The following NBAS variants were observed in gnomAD, a reference collection of about 807,000 sequenced individuals.
The protein encoded by NBAS is NAG/BC035112 fusion.
NBAS carries 219 observed loss-of-function variants against 302.5 expected under a neutral mutation model. The observed-to-expected ratio is 0.72, with a 90% confidence interval of 0.65 to 0.81. NBAS has a LOEUF of 0.81. Among genes scored for constraint, NBAS ranks in the 30% least tolerant of loss-of-function variants. NBAS has a pLI of 0.00. For synonymous variants in NBAS, 1,118 were observed against 1,021.6 expected, an observed-to-expected ratio of 1.09 and a Z score of -1.80; for missense variants, 2,932 against 2,841.6, an observed-to-expected ratio of 1.03 and a Z score of -0.72.
chr2:15,440,285 C>T lies in NBAS; in HGVS notation c.2340-12491G>A, dbSNP rs575358235. ...AGTAGGGGCAGACTGACACTTCACA[C>T]GGCCCGGTACTCCGCTGAGACAAAA... is the stretch of plus-strand genomic sequence containing the variant. On this transcript the variant is annotated intron_variant, in intron 21 of 51. Coordinates refer to ENST00000281513, the MANE Select transcript of NBAS (RefSeq NM_015909.4). Among the ~76,000 whole-genome samples, 75 of 152,280 alleles carry T rather than the reference C, an allele frequency of 4.9e-4. 2 individuals are homozygous for T. In the South Asian group the frequency reaches 0.014, roughly 29 times the overall value.
chr2:15,396,406 T>C lies in NBAS; in HGVS notation c.3134+7A>G. ...TGGAGAAAAAAAAAAACTGTCATTT[T>C]TCTCACCTGAGAATTTGTTCCAGTT... On this transcript the variant is annotated splice_region_variant and intron_variant, in intron 27 of 51. Transcript: ENST00000281513. 6.2e-7 allele frequency: 1 copy of C among 1,605,802 alleles called. No individual in the cohort carries two copies. Among genetic ancestry groups the C allele is most frequent in the Non-Finnish European group, 8.5e-7 (1 of 1,176,358 alleles).
intron 48 of NBAS, among the ~76,000 whole-genome samples, chr2:15,203,526 G>C (rs1665979856): frequency 6.6e-6 from 1 of 152,066 alleles, no homozygotes; most frequent in Non-Finnish European, 1.5e-5. Flanking sequence ...AGACTTTAGG[G>C]TAACAGAAGA....
At chr2:15,331,752 T>G (rs899145368) in intron 35 of NBAS, among the ~76,000 whole-genome samples, 1 of 152,192 alleles carries the variant, frequency 6.6e-6, no homozygotes, top group Non-Finnish European at 1.5e-5. Context: ...AGTTGCCATA[T>G]ATGGTAAGTA....
the NBAS span, chr2:14,886,513 T>C: frequency 6.6e-6 from 1 of 152,234 alleles, no homozygotes; most frequent in Non-Finnish European, 1.5e-5. Flanking sequence ...ATGCATTTCC[T>C]GAAGGCAGGG....
chr2:14,921,011 C>T, the NBAS span, among the ~76,000 whole-genome samples: 1 of 151,938 alleles, frequency 6.6e-6, no homozygotes, highest in African/African-American at 2.4e-5. Flanking sequence ...TGCAAGAGGC[C>T]TAGCTCAGCT....
intron 21 of NBAS, among the ~76,000 whole-genome samples, chr2:15,458,400 C>T (rs530970008): frequency 6.6e-6 from 1 of 152,268 alleles, no homozygotes; most frequent in South Asian, 2.1e-4. Context: ...TGGGTGGGGA[C>T]AACTGGATCA....
chr2:15,328,066 T>C, intron 37 of NBAS, 133 bp downstream of exon 37: 1 of 1,174,290 alleles, frequency 8.5e-7, no homozygotes, highest in Non-Finnish European at 1.2e-6. Flanking sequence ...ACCAAAAAAA[T>C]GTAAAAACCA....
intron 11 of NBAS, among the ~76,000 whole-genome samples, chr2:15,495,752 C>A: frequency 6.6e-6 from 1 of 152,106 alleles, no homozygotes; most frequent in East Asian, 1.9e-4. Flanking sequence ...AACCACTTCA[C>A]ACCTACTAGG....
rs144932080 is a variant in NBAS at position 15,473,673 on chromosome 2, G to A, written c.1600-326C>T. Among the ~76,000 whole-genome samples, 82 of 152,272 alleles carry A rather than the reference G, an allele frequency of 5.4e-4. 1 individual carries two copies. The highest frequency in any genetic ancestry group is 1.9e-3 in the African/African-American group (79 of 41,560). On this transcript the variant is annotated intron_variant, in intron 15 of 51. Coordinates refer to ENST00000281513, the MANE Select transcript of NBAS (RefSeq NM_015909.4). ...ACATTGCAAGAACAGCACAAATCAC[G>A]TGAACACACAGTGCTGGTCACCTCG...
intron 48 of NBAS, among the ~76,000 whole-genome samples, chr2:15,192,935 C>A (rs1456305308): frequency 6.6e-6 from 1 of 150,930 alleles, no homozygotes; most frequent in African/African-American, 2.4e-5. Flanking sequence ...ATCATGTTTT[C>A]AATACCATCT....
chr2:15,380,028 C>T (rs146973811), intron 29 of NBAS, among the ~76,000 whole-genome samples, 197 bp from the exon 30 acceptor site: 11 of 152,182 alleles, frequency 7.2e-5, no homozygotes, highest in African/African-American at 2.6e-4. Flanking sequence ...ATGTGACTTT[C>T]TCCTCAATTA....
intron 6 of NBAS, among the ~76,000 whole-genome samples, chr2:15,549,381 T>C (rs1200336007): frequency 6.6e-6 from 1 of 152,098 alleles, no homozygotes; most frequent in Non-Finnish European, 1.5e-5. Context: ...GTAAAAAATG[T>C]TAAGAGCCTG....
At chr2:15,364,908 A>T (rs1674123412) in intron 32 of NBAS, among the ~76,000 whole-genome samples, 1 of 152,162 alleles carries the variant, frequency 6.6e-6, no homozygotes, top group Non-Finnish European at 1.5e-5. Context: ...TTAAGCCACC[A>T]GGTTTTGGAT....
the NBAS span, among the ~76,000 whole-genome samples, chr2:14,779,636 G>A: frequency 2.0e-5 from 3 of 152,042 alleles, no homozygotes; most frequent in Non-Finnish European, 2.9e-5. Flanking sequence ...CCTTATCAGC[G>A]CTTCCTGGCT....
chr2:15,244,334 G>A lies in NBAS; in HGVS notation c.5725-5648C>T, dbSNP rs1003508201. Among the ~76,000 whole-genome samples the A allele has an allele frequency of 2.0e-5, 3 of 152,134 alleles. No homozygotes were observed. In the East Asian group the frequency reaches 5.8e-4, roughly 29 times the overall value. On this transcript the variant is annotated intron_variant, in intron 44 of 51. Transcript: ENST00000281513. The stretch of plus-strand genomic sequence containing the variant: ...GGCCTCCAACAAGCACTCCTCATGT[G>A]GCCCAGGAAGGAAGTGGGGAGGTCT...
intron 47 of NBAS, among the ~76,000 whole-genome samples, chr2:15,222,370 A>AC (rs1181205734): frequency 6.6e-6 from 1 of 152,154 alleles, no homozygotes; most frequent in African/African-American, 2.4e-5. Flanking sequence ...AATGAAGCTG[A>AC]TTTTTTGGCC....
chr2:14,935,858 T>C, the NBAS span, among the ~76,000 whole-genome samples: 38 of 152,242 alleles, frequency 2.5e-4, no homozygotes, highest in African/African-American at 8.9e-4. Context: ...TCCCCAAAAC[T>C]AAAGGCTTCC....
the NBAS span, among the ~76,000 whole-genome samples, chr2:14,938,150 T>A: frequency 6.6e-6 from 1 of 151,940 alleles, no homozygotes; most frequent in Non-Finnish European, 1.5e-5. Context: ...ATTAAAAAAA[T>A]AATTTAATGG....
At chr2:15,540,149 A>G (rs542809227) in intron 6 of NBAS, among the ~76,000 whole-genome samples, 5 of 152,280 alleles carry the variant, frequency 3.3e-5, no homozygotes, top group Admixed American at 3.3e-4. Context: ...TCAGAACTGA[A>G]GAGTTAGGTA....
Sources: gnomAD v4.1 joint callset for allele counts (sites outside exome capture counted in the v4.1 genomes callset) on GRCh38, gnomAD v4.1.1 for gene constraint, MANE v1.5 for transcripts, NCBI Gene and HGNC (gene_info 2026-07-23, HGNC 2026-07-21) for gene names.